Variants in STK33 observed in about 807,000 individuals in gnomAD.
STK33 encodes the protein serine/threonine-protein kinase 33.
Under a neutral mutation model 58.0 loss-of-function variants are expected in STK33, and 52 were observed. The ratio of observed to expected loss-of-function variants is 0.90; its 90% confidence interval spans 0.72 to 1.13. STK33 has a LOEUF of 1.13. Ranked by LOEUF, STK33 falls within the 50% of genes most tolerant of loss-of-function variation. The pLI is 0.00. For missense variants in STK33, 630 were observed against 604.2 expected (o/e 1.04, Z -0.45); for synonymous variants, 215 against 200.1 (o/e 1.07, Z -0.63).
At chr11:8,492,330 A>C (rs1020933118) in intron 1 of STK33, among the ~76,000 whole-genome samples, 2 of 152,224 alleles carry the variant, frequency 1.3e-5, no homozygotes, top group African/African-American at 4.8e-5. Flanking sequence ...TAAACCAACA[A>C]AGATCAAAAG....
At chr11:8,589,959 A>G (rs953257754) in intron 1 of STK33, among the ~76,000 whole-genome samples, 5 of 152,202 alleles carry the variant, frequency 3.3e-5, no homozygotes, top group African/African-American at 1.2e-4. Context: ...CCTTAGAGCA[A>G]AGATAAGAGC....
chr11:8,526,575 A>G lies in STK33; in HGVS notation c.-465-45961T>C, dbSNP rs549880845. On this transcript the variant is annotated intron_variant, in intron 1 of 15. Coordinates refer to ENST00000687296, the MANE Select transcript of STK33 (RefSeq NM_001352389.2). Reference sequence around the variant, plus strand: ...CATGTACCTGAATGTTCAGAGCAGGATAATTCATAGCAATAAAAACCTGGA... The same window carrying G: ...CATGTACCTGAATGTTCAGAGCAGGGTAATTCATAGCAATAAAAACCTGGA... Among the ~76,000 whole-genome samples the G allele has an allele frequency of 1.4e-4, 22 of 152,308 alleles. No individual in the cohort carries two copies. In the East Asian group the frequency reaches 4.2e-3, roughly 29 times the overall value.
At chr11:8,432,715 T>A (rs1181898657) in intron 14 of STK33, among the ~76,000 whole-genome samples, 5 of 152,178 alleles carry the variant, frequency 3.3e-5, no homozygotes, top group Non-Finnish European at 1.5e-5. Flanking sequence ...GAACTACATA[T>A]TTTCTTTAGA....
At chr11:8,384,877 C>T in the STK33 span, among the ~76,000 whole-genome samples, 38 of 152,292 alleles carry the variant, frequency 2.5e-4, no homozygotes, top group East Asian at 2.9e-3. Context: ...CCCCTGGGCC[C>T]AGCTGTCTTT....
chr11:8,380,429 G>A, the STK33 span, among the ~76,000 whole-genome samples: 34,301 of 151,894 alleles, frequency 0.23, 4,142 homozygotes, highest in South Asian at 0.36. Context: ...GCATGGTCAT[G>A]GGCACCTGTA....
At chr11:8,361,002 T>C in the STK33 span, among the ~76,000 whole-genome samples, 2 of 152,158 alleles carry the variant, frequency 1.3e-5, no homozygotes, top group African/African-American at 2.4e-5. The surrounding 1 kb of genome is among the most constrained non-coding windows in gnomAD (Gnocchi z 4.8). Context: ...CATTGAAAAA[T>C]AGGGATCAGG....
chr11:8,558,991 T>A (rs2140894909), intron 1 of STK33, among the ~76,000 whole-genome samples: 1 of 152,312 alleles, frequency 6.6e-6, no homozygotes, highest in Admixed American at 6.5e-5. Flanking sequence ...TTTTGAAGAA[T>A]CACAGACTCT....
chr11:8,476,036 T>A (rs1949236093), intron 4 of STK33, among the ~76,000 whole-genome samples: 1 of 152,226 alleles, frequency 6.6e-6, no homozygotes, highest in Non-Finnish European at 1.5e-5. Flanking sequence ...CCTTATCTAT[T>A]GTGATTGGCA....
intron 9 of STK33, among the ~76,000 whole-genome samples, chr11:8,457,089 C>T (rs1946947552): frequency 6.6e-6 from 1 of 152,054 alleles, no homozygotes; most frequent in African/African-American, 2.4e-5. Flanking sequence ...GATTTGTCTA[C>T]TTTTGATTTT....
the STK33 span, among the ~76,000 whole-genome samples, chr11:8,362,545 AAATGTAAATCTTAGC>A: frequency 6.6e-6 from 1 of 152,226 alleles, no homozygotes; most frequent in Non-Finnish European, 1.5e-5. Context: ...ATATATTTGA[AAATGTAAATCTTAGC>A]AATGTCTTTG....
At chr11:8,558,651 G>T (rs1956928560) in intron 1 of STK33, among the ~76,000 whole-genome samples, 1 of 152,130 alleles carries the variant, frequency 6.6e-6, no homozygotes, top group African/African-American at 2.4e-5. Context: ...AACTTGTGGT[G>T]AACTGAGGTA....
chr11:8,358,776 T>G, the STK33 span, among the ~76,000 whole-genome samples: 5 of 152,180 alleles, frequency 3.3e-5, no homozygotes, highest in African/African-American at 1.2e-4. Flanking sequence ...CATACTGACA[T>G]AAATGAATAA....
chr11:8,405,678 C>A (rs1241340756), intron 15 of STK33, among the ~76,000 whole-genome samples: 1 of 152,162 alleles, frequency 6.6e-6, no homozygotes, highest in Non-Finnish European at 1.5e-5. Flanking sequence ...AGGAGCTTTA[C>A]AGTTTCGCTT....
chr11:8,418,018 C>T (rs1941373766), intron 14 of STK33, among the ~76,000 whole-genome samples: 1 of 152,056 alleles, frequency 6.6e-6, no homozygotes, highest in Non-Finnish European at 1.5e-5. Flanking sequence ...AGATCTGAAA[C>T]AATTTAAATA....
intron 1 of STK33, among the ~76,000 whole-genome samples, chr11:8,586,237 A>AC (rs1266561126): frequency 8.9e-5 from 13 of 145,754 alleles, no homozygotes; most frequent in African/African-American, 3.4e-4. Flanking sequence ...AAAAAAAAAA[A>AC]CACCTGACTT....
chr11:8,406,976 G>C (rs1939338406), intron 15 of STK33, among the ~76,000 whole-genome samples: 1 of 104,918 alleles, frequency 9.5e-6, no homozygotes, highest in Admixed American at 9.1e-5. Context: ...TTGTAGTTTT[G>C]GATTTTTTTT....
the STK33 span, among the ~76,000 whole-genome samples, chr11:8,380,388 C>T: frequency 6.6e-6 from 1 of 152,064 alleles, no homozygotes; most frequent in South Asian, 2.1e-4. Flanking sequence ...GGTGAAACCT[C>T]GTCTCTACTA....
At chr11:8,403,515 C>T (rs949546146) in intron 15 of STK33, among the ~76,000 whole-genome samples, 4 of 152,208 alleles carry the variant, frequency 2.6e-5, no homozygotes, top group African/African-American at 9.6e-5. Flanking sequence ...GACAGCATCT[C>T]TGAGTGCTGC....
At chr11:8,364,124 C>T in the STK33 span, among the ~76,000 whole-genome samples, 1 of 152,204 alleles carries the variant, frequency 6.6e-6, no homozygotes, top group Non-Finnish European at 1.5e-5. Flanking sequence ...CATGTTCATC[C>T]ATTTCATCAC....
Sources: allele counts gnomAD v4.1 joint callset (sites outside exome capture counted in the v4.1 genomes callset), GRCh38; gene constraint gnomAD v4.1.1; non-coding constraint Gnocchi (gnomAD v3.1); transcripts MANE v1.5; gene names NCBI Gene and HGNC (gene_info 2026-07-23, HGNC 2026-07-21).